EXT1: variants seen among roughly 807,000 people sequenced by gnomAD.
EXT1 encodes exostosin glycosyltransferase 1.
In EXT1, 20 loss-of-function variants were observed where a neutral mutation model predicts 82.5. The ratio of observed to expected loss-of-function variants is 0.24; its 90% CI spans 0.17 to 0.35. EXT1 has a LOEUF of 0.35. Among genes scored for constraint, EXT1 ranks in the 10% least tolerant of loss-of-function variants. The probability of loss-of-function intolerance (pLI) is 1.00; values close to 1 mark genes in which losing one functional copy is unlikely to be tolerated. For synonymous variants in EXT1, 348 were observed against 350.8 expected (o/e 0.99, Z 0.09); for missense variants, 757 against 936.5 (o/e 0.81, Z 2.50).
At chr8:117,913,156 AG>A in intron 1 of EXT1, among the ~76,000 whole-genome samples, 1 of 152,280 alleles carries the variant, frequency 6.6e-6, no homozygotes, top group East Asian at 1.9e-4. Context: ...CGGGAGGTGG[AG>A]GTTGCAGTGA....
intron 1 of EXT1, among the ~76,000 whole-genome samples, chr8:118,104,448 C>T (rs1196805998): frequency 6.6e-6 from 1 of 152,170 alleles, no homozygotes; most frequent in Non-Finnish European, 1.5e-5. Context: ...ATACAACATT[C>T]ACATTATGAC....
intron 1 of EXT1, among the ~76,000 whole-genome samples, chr8:117,971,795 T>G (rs921031197): frequency 6.6e-6 from 1 of 152,186 alleles, no homozygotes; most frequent in African/African-American, 2.4e-5. Context: ...TTCTTGACAT[T>G]TTTCCAAAAG....
chr8:117,815,404 T>G (rs1811789714), intron 7 of EXT1, among the ~76,000 whole-genome samples: 1 of 152,220 alleles, frequency 6.6e-6, no homozygotes, highest in South Asian at 2.1e-4. Flanking sequence ...TTCCTTTTTT[T>G]CTGAACCTGT....
At chr8:117,923,537 G>A (rs770709917) in intron 1 of EXT1, among the ~76,000 whole-genome samples, 2 of 150,274 alleles carry the variant, frequency 1.3e-5, no homozygotes, top group Non-Finnish European at 2.9e-5. Context: ...CTAACACGGT[G>A]AAACCCCATC....
chr8:118,099,093 T>C (rs887764183), intron 1 of EXT1, among the ~76,000 whole-genome samples: 1 of 152,230 alleles, frequency 6.6e-6, no homozygotes, highest in African/African-American at 2.4e-5. Context: ...ACACAAATGA[T>C]GTTTCAGAGC....
intron 1 of EXT1, among the ~76,000 whole-genome samples, chr8:117,889,654 G>T (rs539873482): frequency 2.3e-4 from 35 of 152,286 alleles, no homozygotes; most frequent in African/African-American, 8.2e-4. Flanking sequence ...CACAGAAAAA[G>T]TGCCTCATAT....
At chr8:118,066,619 G>A (rs1816993560) in intron 1 of EXT1, among the ~76,000 whole-genome samples, 1 of 152,026 alleles carries the variant, frequency 6.6e-6, no homozygotes, top group Admixed American at 6.6e-5. Flanking sequence ...CCTCAGCCTC[G>A]TAAATTGCTG....
rs1015086074 is a variant in EXT1, at chr8:117,796,949, A to G, written c.*2763T>C. On this transcript the variant is annotated 3_prime_UTR_variant, in exon 11 of 11. Coordinates refer to ENST00000378204, the MANE Select transcript of EXT1 (RefSeq NM_000127.3). ...GGGAAAAGATGCTGTGTGGAAATCC[A>G]TAAGTGGCTGAGTCCTCTTTGGAAT... The G allele has an allele frequency of 2.6e-5, 4 of 152,390 alleles. No individual in the cohort carries two copies. The highest frequency in any genetic ancestry group is 7.2e-5 in the African/African-American group (3 of 41,594). 9.4% of individuals were successfully genotyped at this position (152,390 alleles called of 1,614,324 possible).
intron 9 of EXT1, among the ~76,000 whole-genome samples, chr8:117,805,216 C>T (rs1179124641): frequency 1.3e-5 from 2 of 152,182 alleles, no homozygotes; most frequent in South Asian, 4.1e-4. Flanking sequence ...TCCAGTCTAA[C>T]TCTAACATCA....
intron 1 of EXT1, among the ~76,000 whole-genome samples, chr8:118,078,189 CT>C (rs1323453775): frequency 6.6e-6 from 1 of 151,934 alleles, no homozygotes; most frequent in East Asian, 1.9e-4. Flanking sequence ...CAGATTTTTC[CT>C]GTTTATTTTT....
At chr8:118,037,726 TTATG>T (rs1427260206) in intron 1 of EXT1, among the ~76,000 whole-genome samples, 1 of 152,208 alleles carries the variant, frequency 6.6e-6, no homozygotes, top group Non-Finnish European at 1.5e-5. Context: ...ATTATCTTAT[TTATG>T]ATTAACTTGC....
chr8:117,804,164 G>A (rs1183797236), intron 10 of EXT1, among the ~76,000 whole-genome samples: 1 of 152,148 alleles, frequency 6.6e-6, no homozygotes, highest in African/African-American at 2.4e-5. Flanking sequence ...GATATTTGCA[G>A]GTGAGGTCTC....
chr8:117,919,676 T>A (rs1026996925), intron 1 of EXT1, among the ~76,000 whole-genome samples: 1 of 151,956 alleles, frequency 6.6e-6, no homozygotes, highest in African/African-American at 2.4e-5. Flanking sequence ...GGCTAATTTT[T>A]AAAATTTCTG....
chr8:117,910,992 G>A (rs571736973), intron 1 of EXT1, among the ~76,000 whole-genome samples: 107 of 152,288 alleles, frequency 7.0e-4, no homozygotes, highest in African/African-American at 2.4e-3. Flanking sequence ...GGTGAAGGGC[G>A]TGAACTCTAG....
intron 1 of EXT1, among the ~76,000 whole-genome samples, chr8:117,898,013 T>A (rs1813375269): frequency 6.6e-6 from 1 of 152,202 alleles, no homozygotes; most frequent in South Asian, 2.1e-4. Flanking sequence ...TCTAAGTGAT[T>A]ATTGTCCTTG....
intron 1 of EXT1, among the ~76,000 whole-genome samples, chr8:117,997,719 G>A (rs1815576280): frequency 6.6e-6 from 1 of 152,142 alleles, no homozygotes; most frequent in Non-Finnish European, 1.5e-5. Context: ...CCTACTCTGT[G>A]CTTGGTCTGA....
chr8:117,911,611 C>T (rs1251158445), intron 1 of EXT1, among the ~76,000 whole-genome samples: 1 of 152,176 alleles, frequency 6.6e-6, no homozygotes, highest in Non-Finnish European at 1.5e-5. Flanking sequence ...AGAAAGAAGG[C>T]CAACGGTGGA....
intron 1 of EXT1, among the ~76,000 whole-genome samples, chr8:118,081,346 T>C (rs535211231): frequency 2.4e-4 from 36 of 152,304 alleles, no homozygotes; most frequent in African/African-American, 8.7e-4. Flanking sequence ...TCTGCATACT[T>C]TTGCAATAAG....
rs925382406 is a variant in EXT1, at chr8:117,805,833, C to T, written c.1884-940G>A. Among the ~76,000 whole-genome samples the T allele has an allele frequency of 2.6e-5, 4 of 152,334 alleles. No individual in the cohort carries two copies. In the East Asian group the frequency reaches 5.8e-4, roughly 22 times the overall value. On this transcript the variant is annotated intron_variant, in intron 9 of 10. Coordinates refer to ENST00000378204, the MANE Select transcript of EXT1 (RefSeq NM_000127.3). ...CCTCACTAGTTTGGCAATCTTACTC[C>T]AGTCCCCTGGCTTTAAAGACCAAAT...
Sources: gnomAD v4.1 joint callset for allele counts (sites outside exome capture counted in the v4.1 genomes callset) on GRCh38, gnomAD v4.1.1 for gene constraint, MANE v1.5 for transcripts, NCBI Gene and HGNC (gene_info 2026-07-23, HGNC 2026-07-21) for gene names.